The following PVT1 variants were observed in gnomAD, a reference collection of about 807,000 sequenced individuals.
The protein encoded by PVT1 is CXCR4/PVT1 fusion.
intron 3 of PVT1, chr8:127,939,559 C>T (rs2278176): frequency 0.26 from 39,739 of 152,144 alleles, 6,291 homozygotes; most frequent in Middle Eastern, 0.41. Flanking sequence ...GACCTTGGCA[C>T]ATACAGCCAT....
chr8:127,903,317 G>A (rs757075252), intron 3 of PVT1, among the ~76,000 whole-genome samples: 3 of 152,098 alleles, frequency 2.0e-5, no homozygotes, highest in Non-Finnish European at 4.4e-5. Flanking sequence ...GTTCCTTATC[G>A]ATTCTGGATA....
At chr8:127,947,001 G>T (rs1289698794) in intron 3 of PVT1, 1 of 152,180 alleles carries the variant, frequency 6.6e-6, no homozygotes, top group Non-Finnish European at 1.5e-5. Flanking sequence ...TTATTGAAAT[G>T]CAGACTTGTT....
intron 2 of PVT1, among the ~76,000 whole-genome samples, chr8:127,841,369 G>T (rs1814971887): frequency 1.3e-5 from 2 of 152,026 alleles, no homozygotes; most frequent in South Asian, 4.2e-4. Flanking sequence ...CACCTCCCAG[G>T]TTCAAGTGAT....
chr8:127,863,198 G>C (rs1307205362), intron 2 of PVT1, among the ~76,000 whole-genome samples: 1 of 151,820 alleles, frequency 6.6e-6, no homozygotes, highest in African/African-American at 2.4e-5. Context: ...TGCAACCTCC[G>C]CCTCTTGGGT....
intron 2 of PVT1, among the ~76,000 whole-genome samples, chr8:127,815,218 C>G (rs906683244): frequency 6.6e-6 from 1 of 152,172 alleles, no homozygotes; most frequent in Non-Finnish European, 1.5e-5. Flanking sequence ...CCACCCTCCT[C>G]GGCCTCCCTA....
chr8:127,841,174 T>C (rs1041759399), intron 2 of PVT1, among the ~76,000 whole-genome samples: 1 of 152,272 alleles, frequency 6.6e-6, no homozygotes, highest in Non-Finnish European at 1.5e-5. Flanking sequence ...ACATAGTACC[T>C]GTTCAGCAGA....
rs369859622 is a variant in PVT1, at chr8:127,985,458, C to T, written n.783-3704C>T. On this transcript the variant is annotated intron_variant and non_coding_transcript_variant, in intron 3 of 10. Transcript: ENST00000651587. ...CTGCTTTTTTTTTTTTTTTAATCCTCGATTTACAGATGAAGACCAGAGAAG... is the reference window on the plus strand; with the variant it reads ...CTGCTTTTTTTTTTTTTTTAATCCTTGATTTACAGATGAAGACCAGAGAAG... Among the ~76,000 whole-genome samples the T allele has an allele frequency of 1.1e-4, 16 of 149,792 alleles. No homozygotes were observed. The South Asian group carries it at 1.5e-3, about 14-fold the overall frequency.
At chr8:128,091,347 G>A (rs1043725476) in intron 5 of PVT1, among the ~76,000 whole-genome samples, 1 of 152,148 alleles carries the variant, frequency 6.6e-6, no homozygotes, top group Admixed American at 6.5e-5. Flanking sequence ...AGCCTGCACT[G>A]CTATGGGTGA....
At chr8:127,851,025 A>AG (rs1360967024) in intron 2 of PVT1, among the ~76,000 whole-genome samples, 6 of 151,606 alleles carry the variant, frequency 4.0e-5, no homozygotes, top group African/African-American at 1.5e-4. Context: ...AAATTAAAAA[A>AG]AAATAAAAAA....
chr8:127,975,592 C>G (rs989504217), intron 3 of PVT1, among the ~76,000 whole-genome samples: 1 of 152,142 alleles, frequency 6.6e-6, no homozygotes, highest in African/African-American at 2.4e-5. Context: ...AGCACACTGG[C>G]CCCTGAGTTT....
chr8:127,959,038 CGGGGTGGGGT>C (rs565473487), intron 3 of PVT1, among the ~76,000 whole-genome samples: 1 of 53,368 alleles, frequency 1.9e-5, no homozygotes, highest in African/African-American at 7.3e-5. Flanking sequence ...TGCCCCTTAG[CGGGGTGGGGT>C]GGGGTGGGGT....
At chr8:127,947,510 G>A (rs1669615082) in intron 3 of PVT1, 1 of 356,536 alleles carries the variant, frequency 2.8e-6, no homozygotes, top group South Asian at 2.2e-5. Context: ...CAGGCACACT[G>A]AGCCTGTAGG....
At chr8:128,084,679 T>C (rs554984703) in intron 5 of PVT1, among the ~76,000 whole-genome samples, 74 of 152,340 alleles carry the variant, frequency 4.9e-4, no homozygotes, top group African/African-American at 1.7e-3. Context: ...AAATAAGGTA[T>C]AGCTGACAGA....
chr8:128,049,126 T>C (rs754078994), intron 4 of PVT1: 1 of 524,396 alleles, frequency 1.9e-6, no homozygotes, highest in Admixed American at 2.0e-5. Context: ...AGCCCTTTCT[T>C]TTTCCTGGCC....
intron 3 of PVT1, among the ~76,000 whole-genome samples, chr8:127,905,069 C>G (rs1176677323): frequency 6.6e-6 from 1 of 152,210 alleles, no homozygotes; most frequent in African/African-American, 2.4e-5. Context: ...CTGTGGTGCT[C>G]AAAGGTACCT....
intron 3 of PVT1, chr8:127,891,121 A>G (rs1338117781): frequency 6.6e-6 from 1 of 152,280 alleles, no homozygotes; most frequent in Non-Finnish European, 1.5e-5. Context: ...GGGGAGACAG[A>G]TGGAACTAAA....
chr8:127,972,690 G>A (rs375169833), intron 3 of PVT1, among the ~76,000 whole-genome samples: 1 of 152,024 alleles, frequency 6.6e-6, no homozygotes, highest in Admixed American at 6.6e-5. Context: ...AGTAAGCCGA[G>A]ATCCCGCTAT....
chr8:127,828,684 C>A (rs1254390520), intron 2 of PVT1, among the ~76,000 whole-genome samples: 2 of 152,060 alleles, frequency 1.3e-5, no homozygotes, highest in Admixed American at 6.5e-5. Flanking sequence ...TGAATGATTG[C>A]ATTCATCTTG....
At chr8:127,861,618 A>C (rs1472174322) in intron 2 of PVT1, among the ~76,000 whole-genome samples, 1 of 151,990 alleles carries the variant, frequency 6.6e-6, no homozygotes, top group Middle Eastern at 3.2e-3. Context: ...AGTTTTAAAA[A>C]CTTGTTTTGA....
Sources: allele counts gnomAD v4.1 joint callset (sites outside exome capture counted in the v4.1 genomes callset), GRCh38; gene constraint gnomAD v4.1.1; transcripts MANE v1.5; gene names NCBI Gene and HGNC (gene_info 2026-07-23, HGNC 2026-07-21).